NAA10: variants seen among roughly 807,000 people sequenced by gnomAD.
The protein encoded by NAA10 is N-alpha-acetyltransferase 10, NatA catalytic subunit, also known as N-alpha-acetyltransferase 10.
NAA10 carries 6 observed loss-of-function variants against 19.2 expected under a neutral mutation model. That is an observed-to-expected ratio of 0.31 (90% CI 0.17 to 0.62). The LOEUF is 0.62. Among genes scored for constraint, NAA10 ranks in the 20% least tolerant of loss-of-function variants. NAA10 has a pLI of 0.83. For synonymous variants in NAA10, 97 were observed against 79.9 expected (o/e 1.21, Z -1.14); for missense variants, 101 against 198.4 (o/e 0.51, Z 2.95).
chrX:153,930,609 T>G (rs1557107238), intron 7 of NAA10, 154 bp downstream of exon 7: 1 of 561,802 alleles, frequency 1.8e-6, no homozygotes, highest in Non-Finnish European at 3.0e-6. Context: ...GCAGATGGCC[T>G]CCTCTAAAGC....
chrX:153,934,058 A>G, intron 2 of NAA10, 57 bp from the exon 3 acceptor site: 2 of 1,079,053 alleles, frequency 1.9e-6, no homozygotes, highest in Admixed American at 2.2e-5. Context: ...AGAGCCCTTT[A>G]GAGGGACACA....
At chrX:153,930,312 G>A in intron 7 of NAA10, 89 bp from the exon 8 acceptor site, 2 of 866,950 alleles carry the variant, frequency 2.3e-6, no homozygotes, top group Non-Finnish European at 3.4e-6. Flanking sequence ...CGCTGGCTGA[G>A]GAGAGGGGCA....
At chrX:153,931,098 G>T in intron 6 of NAA10, 1 of 1,081,545 alleles carries the variant, frequency 9.2e-7, no homozygotes, top group Non-Finnish European at 1.2e-6. Context: ...CATTTCTGCG[G>T]TTTCTTGTGA....
chrX:153,934,920 C>T lies in NAA10; in HGVS notation c.-16G>A, dbSNP rs2065188995. Reference sequence around the variant, plus strand: ...GGATGTTCATAACGGCGGCGGGGCTCGCGGGTCCCAGCGGATCGTGAAGGC... The same window carrying T: ...GGATGTTCATAACGGCGGCGGGGCTTGCGGGTCCCAGCGGATCGTGAAGGC... On this transcript the variant is annotated 5_prime_UTR_variant, in exon 1 of 8. Transcript: ENST00000464845. 9.9e-7 allele frequency: 1 copy of T among 1,005,049 alleles called. No individual in the cohort carries two copies. Among genetic ancestry groups the T allele is most frequent in the Non-Finnish European group, 1.3e-6 (1 of 786,680 alleles). 82.8% of individuals were successfully genotyped at this position (1,005,049 alleles called of 1,213,427 possible).
chrX:153,932,670 T>C (rs2065173577), intron 3 of NAA10, 86 bp from the exon 4 acceptor site: 1 of 882,790 alleles, frequency 1.1e-6, no homozygotes, highest in Non-Finnish European at 1.6e-6. Flanking sequence ...AGAGTGGACA[T>C]GCACTACAGC....
chrX:153,932,050 G>C lies in NAA10; in HGVS notation c.386+21C>G, dbSNP rs1557107444. ...ACCTGGGATCAACCCCAGCCCATTA[G>C]AAAAATCGAGATCTACTTACTGAAA... On this transcript the variant is annotated intron_variant, in intron 6 of 7. Transcript: ENST00000464845. The C allele has an allele frequency of 9.9e-6, 12 of 1,210,485 alleles. No homozygotes were observed. The Admixed American group carries it at 2.4e-4, about 24-fold the overall frequency.
rs1419673386 is a variant in NAA10, at chrX:153,931,647, G to C, written c.386+424C>G. On this transcript the variant is annotated intron_variant, in intron 6 of 7. Coordinates refer to ENST00000464845, the MANE Select transcript of NAA10 (RefSeq NM_003491.4). ...CCATCCACTAGGCTGCCTGGCCACT[G>C]GCCCTTCCTTCCTGAATGTGCATTC... 4.7e-6 allele frequency: 4 copies of C among 858,199 alleles called. No homozygotes were observed. The East Asian group carries it at 3.4e-4, about 74-fold the overall frequency. The allele number at this position is 858,199 out of a possible 1,213,427, so 70.7% of individuals were successfully genotyped here. A position where few individuals can be genotyped will look rare whatever the true frequency, so the allele number is the denominator to read the frequency against.
chrX:153,934,949 G>A lies in NAA10; in HGVS notation c.-45C>T, dbSNP rs1387940464. The A allele has an allele frequency of 3.1e-6, 3 of 969,163 alleles. No homozygotes were observed. In the African/African-American group the frequency reaches 6.1e-5, roughly 20 times the overall value. The allele number at this position is 969,163 out of a possible 1,213,427, so 79.9% of individuals were successfully genotyped here. A position where few individuals can be genotyped will look rare whatever the true frequency, so the allele number is the denominator to read the frequency against. ...GGTCCCAGCGGATCGTGAAGGCGCA[G>A]TCAGCTGCCGCCGCGCTCCGAAGCG... On this transcript the variant is annotated 5_prime_UTR_variant, in exon 1 of 8. Transcript: ENST00000464845.
At chrX:153,933,881 T>A (rs920637650) in intron 3 of NAA10, 62 bp downstream of exon 3, 83 of 986,090 alleles carry the variant, frequency 8.4e-5, no homozygotes, top group African/African-American at 4.6e-4. Context: ...TCATTTTTTT[T>A]AAAGCCCACA....
chrX:153,934,135 C>T (rs2065182966), intron 2 of NAA10, 134 bp from the exon 3 acceptor site: 6 of 625,416 alleles, frequency 9.6e-6, no homozygotes, highest in Admixed American at 7.1e-5. Context: ...GTCTCCCCCT[C>T]GCCACACTGT....
chrX:153,931,039 C>G, intron 6 of NAA10, 192 bp from the exon 7 acceptor site: 1 of 1,149,379 alleles, frequency 8.7e-7, no homozygotes, highest in Non-Finnish European at 1.2e-6. Context: ...GCGGCCCGCC[C>G]CACCCGTCCT....
intron 6 of NAA10, 161 bp downstream of exon 6, chrX:153,931,910 C>A: frequency 8.6e-7 from 1 of 1,162,797 alleles, no homozygotes. Context: ...CATCAGCCGC[C>A]GAGTGAATGT....
rs1189077338 is a variant in NAA10, at chrX:153,929,282, TAAC to T, written c.*702_*704del. ...CTTATCAGTATTGGCGCATCAACAA[TAAC>T]AAATACACCAACTAATACAAAATGT... On this transcript the variant is annotated 3_prime_UTR_variant, in exon 8 of 8. Transcript: ENST00000464845. The T allele has an allele frequency of 8.9e-6, 1 of 112,344 alleles. No individual in the cohort carries two copies. The highest frequency in any genetic ancestry group is 1.9e-5 in the Non-Finnish European group (1 of 53,513). The allele number at this position is 112,344 out of a possible 1,213,427, so 9.3% of individuals were successfully genotyped here.
rs201130093 is a variant in NAA10 at position 153,932,163 on chromosome X, G to C, written c.342-48C>G. 3.6e-5 allele frequency: 43 copies of C among 1,200,979 alleles called. No individual in the cohort carries two copies. The African/African-American group carries it at 7.0e-4, about 20-fold the overall frequency. On this transcript the variant is annotated intron_variant, in intron 5 of 7. Transcript: ENST00000464845. ...TGAGCTGCACGGATTTGGCCAGGGA[G>C]GGGTAGCACGTCCAGGTCTTGCCCC...
chrX:153,934,968 C>T lies in NAA10; in HGVS notation c.-64G>A. On this transcript the variant is annotated 5_prime_UTR_variant, in exon 1 of 8. Coordinates refer to ENST00000464845, the MANE Select transcript of NAA10 (RefSeq NM_003491.4). Reference sequence around the variant, plus strand: ...GGCGCAGTCAGCTGCCGCCGCGCTCCGAAGCGACGCCGGGACGGCCGGGGC... The same window carrying T: ...GGCGCAGTCAGCTGCCGCCGCGCTCTGAAGCGACGCCGGGACGGCCGGGGC... 1 of 931,016 alleles carries T rather than the reference C, an allele frequency of 1.1e-6. No homozygotes were observed. Among genetic ancestry groups the T allele is most frequent in the Non-Finnish European group, 1.4e-6 (1 of 739,539 alleles). 76.7% of individuals were successfully genotyped at this position (931,016 alleles called of 1,213,427 possible). A position where few individuals can be genotyped will look rare whatever the true frequency, so the allele number is the denominator to read the frequency against.
rs782108538 is a variant in NAA10, at chrX:153,929,904, C to T, written c.*83G>A. 9 of 798,212 alleles carry T rather than the reference C, an allele frequency of 1.1e-5. No homozygotes were observed. The East Asian group carries it at 1.6e-4, about 14-fold the overall frequency. The allele number at this position is 798,212 out of a possible 1,213,427, so 65.8% of individuals were successfully genotyped here. On this transcript the variant is annotated 3_prime_UTR_variant, in exon 8 of 8. Coordinates refer to ENST00000464845, the MANE Select transcript of NAA10 (RefSeq NM_003491.4). ...GAGAAACACACCCTCTAAATGTGCG[C>T]GCGCTCACACACAAAGTTCCCCAGT...
At chrX:153,934,356 C>A (rs1557107921) in intron 2 of NAA10, 21 bp downstream of exon 2, 1 of 1,158,832 alleles carries the variant, frequency 8.6e-7, no homozygotes, top group Non-Finnish European at 1.2e-6. Context: ...TCCCCCATGC[C>A]CAAATTCAGA....
At chrX:153,934,043 C>T (rs892610211) in intron 2 of NAA10, 42 bp from the exon 3 acceptor site, 1 of 1,132,570 alleles carries the variant, frequency 8.8e-7, no homozygotes, top group African/African-American at 1.8e-5. Flanking sequence ...CTTGTCGGAG[C>T]TAGAAGAGCC....
intron 6 of NAA10, chrX:153,931,495 C>G (rs1427028280): frequency 2.5e-6 from 2 of 801,565 alleles, no homozygotes; most frequent in African/African-American, 4.4e-5. Context: ...TAGTGTCCCT[C>G]CACAGGCAGC....
Sources: gnomAD v4.1 joint callset for allele counts on GRCh38, gnomAD v4.1.1 for gene constraint, MANE v1.5 for transcripts, NCBI Gene and HGNC (gene_info 2026-07-23, HGNC 2026-07-21) for gene names.